The following GSN variants were observed in gnomAD, a reference collection of about 807,000 sequenced individuals.
The protein encoded by GSN is gelsolin, also known as actin-depolymerizing factor.
GSN carries 56 observed loss-of-function variants against 85.7 expected under a neutral mutation model. That is an observed-to-expected ratio of 0.65 (90% confidence interval 0.53 to 0.82). The LOEUF is 0.82. GSN is among the 40% of genes least tolerant of loss of function. The pLI, the probability that GSN is intolerant of heterozygous loss-of-function variation, is 0.00. For missense variants in GSN, 857 were observed against 979.8 expected (o/e 0.87, Z 1.67); for synonymous variants, 373 against 399.1 (o/e 0.93, Z 0.78).
intron 13 of GSN, 50 bp downstream of exon 13, chr9:121,326,732 C>T: frequency 6.8e-7 from 1 of 1,475,130 alleles, no homozygotes. Context: ...CCTGAAACCT[C>T]CCAGCTCAAT....
At chr9:121,214,926 A>G (rs2054032712) in intron 4 of GSN, among the ~76,000 whole-genome samples, 1 of 152,178 alleles carries the variant, frequency 6.6e-6, no homozygotes, top group African/African-American at 2.4e-5. Context: ...CTGCTATAAT[A>G]AAAGTACCAT....
intron 4 of GSN, chr9:121,308,370 T>A (rs1478253833): frequency 1.3e-5 from 2 of 152,256 alleles, no homozygotes; most frequent in Non-Finnish European, 2.9e-5. Context: ...GATGACTGAG[T>A]GATCTTTGCT....
chr9:121,326,442 C>A, intron 12 of GSN, 70 bp from the exon 13 acceptor site: 1 of 1,262,818 alleles, frequency 7.9e-7, no homozygotes, highest in Non-Finnish European at 1.2e-6. Flanking sequence ...GAGGGATGGG[C>A]CCAGTGCGAC....
At chr9:121,231,404 C>T (rs2054384837) in intron 5 of GSN, 1 of 152,018 alleles carries the variant, frequency 6.6e-6, no homozygotes, top group South Asian at 2.1e-4. Context: ...TATTATCTAC[C>T]AAGGACTCTA....
At chr9:121,301,845 G>T (rs150227634) in intron 2 of GSN, 118 bp from the exon 3 acceptor site, 1 of 1,530,704 alleles carries the variant, frequency 6.5e-7, no homozygotes, top group Non-Finnish European at 8.9e-7. Context: ...CTGGGGCGTG[G>T]GGAGAGCAGG....
At chr9:121,276,537 A>AC (rs943725246) in intron 1 of GSN, among the ~76,000 whole-genome samples, 13 of 151,638 alleles carry the variant, frequency 8.6e-5, no homozygotes, top group Non-Finnish European at 1.8e-4. Flanking sequence ...GGCATAGCGC[A>AC]CCCCCCCGAC....
chr9:121,209,835 G>T (rs1267037500), intron 2 of GSN, among the ~76,000 whole-genome samples: 5 of 152,174 alleles, frequency 3.3e-5, no homozygotes, highest in Non-Finnish European at 7.4e-5. Flanking sequence ...TGCTATCATA[G>T]AATTCAACAG....
intron 5 of GSN, among the ~76,000 whole-genome samples, chr9:121,242,693 G>T (rs571535484): frequency 1.3e-5 from 2 of 152,302 alleles, no homozygotes; most frequent in South Asian, 4.1e-4. Context: ...AATTGTTCAG[G>T]ATCAGACAGC....
chr9:121,210,117 A>G (rs569703151), intron 2 of GSN: 1 of 152,248 alleles, frequency 6.6e-6, no homozygotes, highest in South Asian at 2.1e-4. Context: ...TTTACTGTGT[A>G]AGAAATGACT....
intron 4 of GSN, 165 bp from the exon 5 acceptor site, chr9:121,310,519 A>G (rs1564514179): frequency 8.4e-6 from 6 of 715,472 alleles, no homozygotes; most frequent in African/African-American, 1.8e-5. Context: ...GTCTCAAACA[A>G]GATAATGGGT....
chr9:121,299,379 T>C lies in GSN; in HGVS notation c.-9-2584T>C. The C allele has an allele frequency of 7.2e-6, 7 of 973,030 alleles. No homozygotes were observed. The highest frequency in any genetic ancestry group is 8.6e-6 in the Non-Finnish European group (7 of 818,566). The allele number at this position is 973,030 out of a possible 1,614,324, so 60.3% of individuals were successfully genotyped here. On this transcript the variant is annotated intron_variant, in intron 2 of 17. Transcript: ENST00000432226. The surrounding 1 kb of genome is among the most constrained non-coding windows in gnomAD (Gnocchi z 4.2). Reference sequence around the variant, plus strand: ...CCGGCAGCACCATTTACAAGCTGTGTGCAAGTTGCTTCACCACTCTGCGCT... The same window carrying C: ...CCGGCAGCACCATTTACAAGCTGTGCGCAAGTTGCTTCACCACTCTGCGCT...
At chr9:121,224,913 G>A (rs1171302777) in intron 4 of GSN, among the ~76,000 whole-genome samples, 1 of 151,938 alleles carries the variant, frequency 6.6e-6, no homozygotes, top group Non-Finnish European at 1.5e-5. Context: ...TATTCTCCTG[G>A]GCTCAGGTGA....
At chr9:121,313,334 C>T (rs997320532) in intron 6 of GSN, 1 of 170,848 alleles carries the variant, frequency 5.9e-6, no homozygotes, top group African/African-American at 2.4e-5. Flanking sequence ...TCACTTGGTT[C>T]CTGCTTCTCT....
intron 4 of GSN, among the ~76,000 whole-genome samples, chr9:121,226,096 G>A (rs1337168516): frequency 1.3e-5 from 2 of 152,156 alleles, no homozygotes; most frequent in Non-Finnish European, 2.9e-5. Flanking sequence ...GAGCCACTGC[G>A]CCCGGCAGAG....
At chr9:121,305,284 C>T (rs1187084472) in intron 4 of GSN, among the ~76,000 whole-genome samples, 1 of 152,174 alleles carries the variant, frequency 6.6e-6, no homozygotes, top group Non-Finnish European at 1.5e-5. Flanking sequence ...GACGAGGAAG[C>T]TGAGGCTCAG....
chr9:121,270,882 C>A (rs2055842554), intron 1 of GSN, among the ~76,000 whole-genome samples: 1 of 152,034 alleles, frequency 6.6e-6, no homozygotes, highest in South Asian at 2.1e-4. Context: ...ACTTTTACAT[C>A]CTGTGTCTGC....
At position 121,326,614 on chromosome 9, in the gene GSN, A is replaced by C; in HGVS notation, c.1519A>C (p.Thr507Pro). ...CGGCACCTCCCGCGAGGGCGGGCAG[A>C]CAGCCCCTGCCAGCACCCGCCTCTT... The part of the protein sequence containing the change: ...KGGTSREGGQ[T>P]APASTRLFQV... The change falls in exon 13 of 18, where the codon ACA becomes CCA. Residue 507 changes from threonine (T) to proline (P), a missense_variant. Thr to Pro is a conservative substitution (Grantham distance 38, BLOSUM62 -1). Coordinates refer to ENST00000432226, the MANE Select transcript of GSN (RefSeq NM_198252.3). The C allele has an allele frequency of 6.2e-7, 1 of 1,605,400 alleles. No homozygotes were observed. The highest frequency in any genetic ancestry group is 1.7e-5 in the Admixed American group (1 of 59,006).
upstream of GSN, among the ~76,000 whole-genome samples, chr9:121,263,555 A>G (rs2055131827): frequency 6.6e-6 from 1 of 152,054 alleles, no homozygotes; most frequent in Admixed American, 6.6e-5. Context: ...TGGTGGCAGG[A>G]GAGAGAGTGT....
At chr9:121,231,866 A>G (rs2054395713) in intron 5 of GSN, among the ~76,000 whole-genome samples, 1 of 152,184 alleles carries the variant, frequency 6.6e-6, no homozygotes, top group Non-Finnish European at 1.5e-5. Flanking sequence ...CAGGAGTTTG[A>G]GACCAGCCTG....
Sources: allele counts gnomAD v4.1 joint callset (sites outside exome capture counted in the v4.1 genomes callset), GRCh38; gene constraint gnomAD v4.1.1; non-coding constraint Gnocchi (gnomAD v3.1); transcripts MANE v1.5; gene names NCBI Gene and HGNC (gene_info 2026-07-23, HGNC 2026-07-21).